The following UCHL5 variants were observed in gnomAD, a reference collection of about 807,000 sequenced individuals.
UCHL5 encodes the protein ubiquitin C-terminal hydrolase L5.
UCHL5 carries 34 observed loss-of-function variants against 53.8 expected under a neutral mutation model. The ratio of observed to expected loss-of-function variants is 0.63; its 90% CI spans 0.48 to 0.84. The LOEUF (loss-of-function observed/expected upper bound fraction) is 0.84, where lower values mean the gene tolerates loss of function less well. Ranked by LOEUF, UCHL5 falls within the 40% of genes least tolerant of loss-of-function variation. The probability of loss-of-function intolerance (pLI) is 0.00; values close to 1 mark genes in which losing one functional copy is unlikely to be tolerated. For missense variants in UCHL5, 290 were observed against 385.6 expected, an observed-to-expected ratio of 0.75 and a Z score of 2.08; for synonymous variants, 111 against 126.3, an observed-to-expected ratio of 0.88 and a Z score of 0.81.
At chr1:193,057,347 T>C (rs1571982150) in intron 1 of UCHL5, 1 of 164,692 alleles carries the variant, frequency 6.1e-6, no homozygotes, top group Non-Finnish European at 1.4e-5. Flanking sequence ...GAACTCCTTT[T>C]TTAATTTAGC....
At chr1:193,044,662 A>C (rs561673684) in intron 3 of UCHL5, among the ~76,000 whole-genome samples, 1 of 152,256 alleles carries the variant, frequency 6.6e-6, no homozygotes, top group African/African-American at 2.4e-5. Context: ...AATCTGTATA[A>C]CCTTATCAAA....
chr1:193,021,007 T>C, intron 10 of UCHL5, 90 bp downstream of exon 10: 3 of 922,112 alleles, frequency 3.3e-6, no homozygotes, highest in Non-Finnish European at 4.9e-6. Flanking sequence ...TCCAAAAATT[T>C]TACCTCTATT....
At chr1:193,030,215 T>A (rs995157261) in intron 3 of UCHL5, among the ~76,000 whole-genome samples, 11 of 152,206 alleles carry the variant, frequency 7.2e-5, no homozygotes, top group Admixed American at 1.3e-4. Flanking sequence ...TAACAAATTA[T>A]CTGGACCTTA....
chr1:193,051,689 G>C, intron 2 of UCHL5, 65 bp downstream of exon 2: 1 of 989,086 alleles, frequency 1.0e-6, no homozygotes, highest in South Asian at 1.8e-5. Flanking sequence ...AAACAAATCT[G>C]AATATCCTTT....
intron 1 of UCHL5, among the ~76,000 whole-genome samples, chr1:193,055,851 A>G (rs1300764360): frequency 6.6e-6 from 1 of 152,190 alleles, no homozygotes; most frequent in African/African-American, 2.4e-5. Flanking sequence ...TTTCTTTTCT[A>G]GTAATATCTT....
rs1349813581 is a variant in UCHL5 at position 193,013,763 on chromosome 1, C to T, written c.*2588G>A. On this transcript the variant is annotated 3_prime_UTR_variant, in exon 11 of 11. Coordinates refer to ENST00000367454, the MANE Select transcript of UCHL5 (RefSeq NM_001199261.3). ...ATTGAAAGTATTAATCTGCATGTAA[C>T]ACCATAATATACACACAAATATGTA... 6.6e-6 allele frequency: 1 copy of T among 152,084 alleles called. No individual in the cohort carries two copies. The highest frequency in any genetic ancestry group is 1.5e-5 in the Non-Finnish European group (1 of 68,024). The allele number at this position is 152,084 out of a possible 1,614,324, so 9.4% of individuals were successfully genotyped here.
intron 7 of UCHL5, among the ~76,000 whole-genome samples, chr1:193,027,407 G>C (rs1400309285): frequency 6.6e-6 from 1 of 152,096 alleles, no homozygotes; most frequent in Non-Finnish European, 1.5e-5. Flanking sequence ...ATACCTAGCC[G>C]GGTGCAGTGG....
intron 9 of UCHL5, 57 bp from the exon 10 acceptor site, chr1:193,021,252 T>C (rs1170176819): frequency 3.4e-6 from 4 of 1,175,674 alleles, no homozygotes; most frequent in African/African-American, 3.0e-5. Flanking sequence ...TGATATTTTA[T>C]TCTTTGCATC....
At chr1:193,021,216 C>G in intron 9 of UCHL5, 21 bp from the exon 10 acceptor site, 1 of 1,449,484 alleles carries the variant, frequency 6.9e-7, no homozygotes, top group South Asian at 1.1e-5. Flanking sequence ...AACATCAATC[C>G]ACACTAACTA....
rs1432449227 is a variant in UCHL5, at chr1:193,032,029, C to A, written c.247-2372G>T. 2.0e-5 allele frequency among the ~76,000 whole-genome samples: 3 copies of A among 152,270 alleles called. No individual in the cohort carries two copies. In the East Asian group the frequency reaches 5.8e-4, roughly 29 times the overall value. ...AACCTTAAGAGTTTGGTTTGAATTC[C>A]TACGCCAGGGTATATAGTCTTTAGT... On this transcript the variant is annotated intron_variant, in intron 3 of 10. Transcript: ENST00000367454.
rs530522475 is a variant in UCHL5 at position 193,022,908 on chromosome 1, A to G, written c.843+18T>C. The stretch of plus-strand genomic sequence containing the variant: ...CTCTATATTAAAACATTAAAGGAAC[A>G]CATTTTTAAAAACATACCTTGTATC... On this transcript the variant is annotated intron_variant, in intron 9 of 10. Transcript: ENST00000367454. The G allele has an allele frequency of 3.2e-6, 5 of 1,544,170 alleles. No homozygotes were observed. The South Asian group carries it at 5.6e-5, about 17-fold the overall frequency.
intron 1 of UCHL5, among the ~76,000 whole-genome samples, chr1:193,055,428 T>C (rs939384282): frequency 2.0e-5 from 3 of 152,170 alleles, no homozygotes; most frequent in South Asian, 2.1e-4. Context: ...TCCAGCCTCA[T>C]GGACTTGGAG....
At position 193,059,256 on chromosome 1, in the gene UCHL5, G is replaced by T; in HGVS notation, c.5C>A (p.Thr2Lys). 6.2e-7 allele frequency: 1 copy of T among 1,614,002 alleles called. No individual in the cohort carries two copies. The highest frequency in any genetic ancestry group is 1.3e-5 in the African/African-American group (1 of 75,040). ...GAGGCACCACTCCCCGGCATTGCCCGTCATGGCCCTGGCCACACACCGCCC... is the reference window on the plus strand; with the variant it reads ...GAGGCACCACTCCCCGGCATTGCCCTTCATGGCCCTGGCCACACACCGCCC... M[T>K]GNAGEWCLME... The change falls in exon 1 of 11, where the codon ACG (threonine) becomes AAG (lysine). Residue 2 changes from threonine to lysine, a missense_variant. By Grantham distance (78) the Thr-to-Lys change is moderately conservative. Coordinates refer to ENST00000367454, the MANE Select transcript of UCHL5 (RefSeq NM_001199261.3). This position sits in a 1 kb window ranked among gnomAD's most constrained non-coding sequence, Gnocchi z 4.9.
chr1:193,042,748 G>T (rs950006311), intron 3 of UCHL5, among the ~76,000 whole-genome samples: 1 of 152,010 alleles, frequency 6.6e-6, no homozygotes. Context: ...ACTCTTCTTA[G>T]AACACTTCAG....
chr1:193,046,838 T>TA (rs914404812), intron 3 of UCHL5, among the ~76,000 whole-genome samples: 49 of 149,004 alleles, frequency 3.3e-4, no homozygotes, highest in Non-Finnish European at 5.8e-4. Flanking sequence ...CATTACTAAG[T>TA]AAAAAAAAAC....
At chr1:193,022,781 T>C (rs1393625594) in intron 9 of UCHL5, 145 bp downstream of exon 9, 3 of 398,572 alleles carry the variant, frequency 7.5e-6, no homozygotes, top group African/African-American at 9.3e-5. Context: ...TCACTACTTA[T>C]CTTTGTAGTG....
rs1424446830 is a variant in UCHL5 at position 193,029,320 on chromosome 1, T to TA, written c.435-12dup. The TA allele has an allele frequency of 5.6e-6, 9 of 1,612,662 alleles. No homozygotes were observed. Among genetic ancestry groups the TA allele is most frequent in the African/African-American group, 2.7e-5 (2 of 74,784 alleles). ...TCAAACATTTGCTGTCTACAGTAAA[T>TA]AAAAAAATAGTGAAACTCAAAGAAG... On this transcript the variant is annotated splice_polypyrimidine_tract_variant and intron_variant, in intron 5 of 10. Transcript: ENST00000367454.
chr1:193,047,805 G>A (rs1667822198), intron 3 of UCHL5, among the ~76,000 whole-genome samples: 1 of 152,012 alleles, frequency 6.6e-6, no homozygotes, highest in African/African-American at 2.4e-5. Flanking sequence ...CATCTGCACT[G>A]TTGGCACAAA....
Position 193,014,796 on chromosome 1 carries a change from CTTTA to C in UCHL5, c.*1551_*1554del, listed in dbSNP as rs1253693100. On this transcript the variant is annotated 3_prime_UTR_variant, in exon 11 of 11. Transcript: ENST00000367454. ...TCAGGCTCTCTCTTCTGTTCCATTGCTTTATTTGTCAATCCTAGTGCCAGTATCA... is the reference window on the plus strand; with the variant it reads ...TCAGGCTCTCTCTTCTGTTCCATTGCTTTGTCAATCCTAGTGCCAGTATCA... 2 of 152,074 alleles carry C rather than the reference CTTTA, an allele frequency of 1.3e-5. No individual in the cohort carries two copies. Among genetic ancestry groups the C allele is most frequent in the Non-Finnish European group, 2.9e-5 (2 of 67,956 alleles). The allele number at this position is 152,074 out of a possible 1,614,324, so 9.4% of individuals were successfully genotyped here. A position where few individuals can be genotyped will look rare whatever the true frequency, so the allele number is the denominator to read the frequency against.
Sources: gnomAD v4.1 joint callset for allele counts (sites outside exome capture counted in the v4.1 genomes callset) on GRCh38, gnomAD v4.1.1 for gene constraint, Gnocchi (gnomAD v3.1) non-coding constraint, MANE v1.5 for transcripts, NCBI Gene and HGNC (gene_info 2026-07-23, HGNC 2026-07-21) for gene names.